The following CA5A variants were observed in gnomAD, a reference collection of about 807,000 sequenced individuals.
CA5A encodes the protein carbonic anhydrase 5A, mitochondrial.
Under a neutral mutation model 37.1 loss-of-function variants are expected in CA5A, and 28 were observed. The observed-to-expected ratio is 0.75, with a 90% CI of 0.56 to 1.03. CA5A has a LOEUF of 1.03. Among genes scored for constraint, CA5A ranks in the 50% least tolerant of loss-of-function variants. The pLI is 0.00. For missense variants in CA5A, 444 were observed against 399.9 expected, an observed-to-expected ratio of 1.11 and a Z score of -0.94; for synonymous variants, 171 against 158.4, an observed-to-expected ratio of 1.08 and a Z score of -0.60.
intron 1 of CA5A, 75 bp from the exon 2 acceptor site, chr16:87,927,020 C>T: frequency 2.8e-6 from 3 of 1,065,264 alleles, no homozygotes; most frequent in African/African-American, 1.6e-5. Flanking sequence ...GGGCAGAAAC[C>T]CGGCCGCACG....
Position 87,890,788 on chromosome 16 carries a change from G to A in CA5A, c.774+1011C>T, listed in dbSNP as rs138268449. Among the ~76,000 whole-genome samples, 449 of 150,524 alleles carry A rather than the reference G, an allele frequency of 3.0e-3. 5 individuals carry two copies. Among genetic ancestry groups the A allele is most frequent in the African/African-American group, 0.011 (434 of 40,960 alleles). On this transcript the variant is annotated intron_variant, in intron 6 of 6. Coordinates refer to ENST00000649794, the MANE Select transcript of CA5A (RefSeq NM_001739.2). ...ACGCCACCATGCCTGGCTAATTTTT[G>A]TATTTTTATTTATTTATTTATTTGA...
At chr16:87,903,906 A>C (rs1356182043) in intron 3 of CA5A, among the ~76,000 whole-genome samples, 1 of 152,098 alleles carries the variant, frequency 6.6e-6, no homozygotes, top group Admixed American at 6.6e-5. Context: ...ATGTTGCAAA[A>C]ATTTCATAAT....
intron 5 of CA5A, among the ~76,000 whole-genome samples, chr16:87,899,602 C>T (rs2055848624): frequency 6.6e-6 from 1 of 150,556 alleles, no homozygotes; most frequent in South Asian, 2.1e-4. Context: ...CGCACCCAGC[C>T]TCTTAAGGTC....
chr16:87,904,667 T>C lies in CA5A; in HGVS notation c.459+119A>G, dbSNP rs1046669444. 3.2e-5 allele frequency: 21 copies of C among 665,098 alleles called. No individual in the cohort carries two copies. In the African/African-American group the frequency reaches 3.6e-4, roughly 11 times the overall value. The allele number at this position is 665,098 out of a possible 1,614,324, so 41.2% of individuals were successfully genotyped here. Reference sequence around the variant, plus strand: ...ACGGTTCTGGTTTGAGCACTGACAGTCCCAGGCCCCAGGAAATCCTTCACA... The same window carrying C: ...ACGGTTCTGGTTTGAGCACTGACAGCCCCAGGCCCCAGGAAATCCTTCACA... On this transcript the variant is annotated intron_variant, in intron 3 of 6. Transcript: ENST00000649794.
At chr16:87,910,813 G>C (rs1318595626) in intron 2 of CA5A, among the ~76,000 whole-genome samples, 1 of 152,066 alleles carries the variant, frequency 6.6e-6, no homozygotes, top group Non-Finnish European at 1.5e-5. Context: ...GCAATGGCCA[G>C]ATCTTGGCTC....
chr16:87,925,999 G>A (rs1438414717), intron 2 of CA5A, among the ~76,000 whole-genome samples: 1 of 152,226 alleles, frequency 6.6e-6, no homozygotes, highest in African/African-American at 2.4e-5. Flanking sequence ...AAGGTGGGCA[G>A]ATCACCTGAT....
At chr16:87,901,611 G>A (rs1425280169) in intron 5 of CA5A, among the ~76,000 whole-genome samples, 1 of 141,758 alleles carries the variant, frequency 7.1e-6, no homozygotes, top group Admixed American at 6.9e-5. Context: ...TTTTTGAGAT[G>A]GGATTTCACT....
intron 5 of CA5A, among the ~76,000 whole-genome samples, chr16:87,897,343 G>C (rs1327771896): frequency 1.3e-5 from 2 of 152,234 alleles, no homozygotes; most frequent in Non-Finnish European, 2.9e-5. Context: ...GGCAGTTTTT[G>C]CCAAAACTTC....
At chr16:87,920,871 G>A (rs563121733) in intron 2 of CA5A, among the ~76,000 whole-genome samples, 70 of 152,084 alleles carry the variant, frequency 4.6e-4, no homozygotes, top group Non-Finnish European at 8.7e-4. Context: ...TCGGCTGACC[G>A]CAACCTCCAC....
At position 87,888,188 on chromosome 16, in the gene CA5A, A is replaced by G. The variant is rs552073689; in HGVS notation, c.859T>C (p.Leu287=). 20 of 1,613,820 alleles carry G rather than the reference A, an allele frequency of 1.2e-5. No individual in the cohort carries two copies. Among genetic ancestry groups the G allele is most frequent in the Admixed American group, 1.7e-5 (1 of 59,986 alleles). The stretch of plus-strand genomic sequence containing the variant: ...GACGCCCAGACCTTCCGGTTCATCA[A>G]GGGTTGAAGTGGGCGATAGTTGTTC... ...MVNNYRPLQP[L]MNRKVWASFQ... The change falls in exon 7 of 7, where the codon TTG becomes CTG. Residue 287 remains leucine, a synonymous_variant. Coordinates refer to ENST00000649794, the MANE Select transcript of CA5A (RefSeq NM_001739.2).
At chr16:87,904,561 A>G (rs2055929252) in intron 3 of CA5A, among the ~76,000 whole-genome samples, 1 of 152,158 alleles carries the variant, frequency 6.6e-6, no homozygotes, top group Admixed American at 6.6e-5. Flanking sequence ...TCAGAACCTC[A>G]GTCTCTTCTT....
chr16:87,913,905 C>T (rs1031806188), intron 2 of CA5A, among the ~76,000 whole-genome samples: 2 of 152,242 alleles, frequency 1.3e-5, no homozygotes, highest in African/African-American at 4.8e-5. Flanking sequence ...CATAAGGAAG[C>T]TTAAGTGACG....
At chr16:87,929,775 G>A (rs1372051147) in intron 1 of CA5A, among the ~76,000 whole-genome samples, 1 of 148,356 alleles carries the variant, frequency 6.7e-6, no homozygotes, top group Non-Finnish European at 1.5e-5. Flanking sequence ...GGGAGGCTGA[G>A]GCAGCAGAAT....
At position 87,888,254 on chromosome 16, in the gene CA5A, G is replaced by T. The variant is rs1205877121; in HGVS notation, c.793C>A (p.Leu265Ile). The T allele has an allele frequency of 6.2e-7, 1 of 1,613,592 alleles. No homozygotes were observed. The highest frequency in any genetic ancestry group is 1.3e-5 in the African/African-American group (1 of 74,894). The change falls in exon 7 of 7, where the codon CTC becomes ATC. Residue 265 changes from leucine to isoleucine, a missense_variant. Coordinates refer to ENST00000649794, the MANE Select transcript of CA5A (RefSeq NM_001739.2). Reference sequence around the variant, plus strand: ...TCTTCACCAAGTGCAGAAAACAGGAGAGTACGAAATGCAGAGAGCTGGAAT... The same window carrying T: ...TCTTCACCAAGTGCAGAAAACAGGATAGTACGAAATGCAGAGAGCTGGAAT... ...APSQLSAFRT[L>I]LFSALGEEEK...
At chr16:87,935,126 G>A (rs866244006) in intron 1 of CA5A, among the ~76,000 whole-genome samples, 7 of 152,230 alleles carry the variant, frequency 4.6e-5, no homozygotes, top group Admixed American at 1.3e-4. Flanking sequence ...AGCGTCAGTC[G>A]GACTGCATGC....
intron 5 of CA5A, among the ~76,000 whole-genome samples, chr16:87,898,499 G>C (rs1422433826): frequency 6.6e-6 from 1 of 152,154 alleles, no homozygotes; most frequent in East Asian, 1.9e-4. Context: ...AGCTCTCTCT[G>C]GGAATCACCT....
At chr16:87,924,210 G>C in intron 2 of CA5A, 1 of 985,448 alleles carries the variant, frequency 1.0e-6, no homozygotes, top group Non-Finnish European at 1.2e-6. Context: ...ACGTTGGCTG[G>C]AGTTGGGGTT....
intron 5 of CA5A, among the ~76,000 whole-genome samples, chr16:87,892,510 AAATAAT>A (rs371000298): frequency 0.14 from 19,297 of 135,038 alleles, 1,525 homozygotes; most frequent in Non-Finnish European, 0.18. Flanking sequence ...ACTCTGTCTC[AAATAAT>A]AATAATAATA....
chr16:87,897,830 G>A (rs577865961), intron 5 of CA5A, among the ~76,000 whole-genome samples: 18 of 152,316 alleles, frequency 1.2e-4, no homozygotes, highest in South Asian at 1.0e-3. Context: ...GCCCTGCCCC[G>A]TGGAGTGATT....
Sources: allele counts gnomAD v4.1 joint callset (sites outside exome capture counted in the v4.1 genomes callset), GRCh38; gene constraint gnomAD v4.1.1; transcripts MANE v1.5; gene names NCBI Gene and HGNC (gene_info 2026-07-23, HGNC 2026-07-21).